The following RYR2 variants were observed in gnomAD, a reference collection of about 807,000 sequenced individuals.
The protein encoded by RYR2 is ryanodine receptor 2, also known as cardiac muscle ryanodine receptor-calcium release channel.
A neutral mutation model predicts 601.1 loss-of-function variants in RYR2; 227 were observed. The ratio of observed to expected loss-of-function variants is 0.38; its 90% confidence interval spans 0.34 to 0.42. RYR2 has a LOEUF of 0.42. Among genes scored for constraint, RYR2 ranks in the 10% least tolerant of loss-of-function variants. RYR2 has a pLI of 1.00. For synonymous variants in RYR2, 2,223 were observed against 2,175.1 expected, an observed-to-expected ratio of 1.02 and a Z score of -0.61; for missense variants, 4,646 against 6,156.5, an observed-to-expected ratio of 0.75 and a Z score of 8.21.
At position 237,506,834 on chromosome 1, in the gene RYR2, A is replaced by T; in HGVS notation, c.2718+20A>T. On this transcript the variant is annotated intron_variant, in intron 23 of 104. Transcript: ENST00000366574. ...GGTCCGGTATGTAATTTTGAAATTT[A>T]TTTTCAGATTCTGTGAATACATCTT... The T allele has an allele frequency of 6.3e-7, 1 of 1,588,366 alleles. No individual in the cohort carries two copies. Among genetic ancestry groups the T allele is most frequent in the Non-Finnish European group, 8.6e-7 (1 of 1,157,774 alleles).
intron 99 of RYR2, among the ~76,000 whole-genome samples, chr1:237,808,081 A>T (rs1245896021): frequency 6.6e-6 from 1 of 152,216 alleles, no homozygotes; most frequent in Non-Finnish European, 1.5e-5. Context: ...AAGACCTTTC[A>T]AACAGAGACA....
chr1:237,539,471 G>A (rs1005984604), intron 25 of RYR2, among the ~76,000 whole-genome samples: 9 of 152,032 alleles, frequency 5.9e-5, no homozygotes, highest in African/African-American at 1.9e-4. Context: ...TTTGATAATC[G>A]GTCAAGTTCA....
intron 1 of RYR2, among the ~76,000 whole-genome samples, chr1:237,083,784 C>T (rs184985781): frequency 5.3e-4 from 80 of 152,248 alleles, no homozygotes; most frequent in African/African-American, 1.3e-3. Context: ...ACTGAAATGG[C>T]GCTGAAAGAT....
chr1:237,618,244 T>C (rs1678693654), intron 38 of RYR2, among the ~76,000 whole-genome samples: 1 of 152,170 alleles, frequency 6.6e-6, no homozygotes, highest in South Asian at 2.1e-4. Flanking sequence ...GGAATTTTCT[T>C]AATTGTTATA....
chr1:237,173,022 C>A lies in RYR2; in HGVS notation c.49-97475C>A, dbSNP rs1013988116. Among the ~76,000 whole-genome samples the A allele has an allele frequency of 2.0e-5, 3 of 152,112 alleles. No homozygotes were observed. The South Asian group carries it at 6.2e-4, about 32-fold the overall frequency. Reference sequence around the variant, plus strand: ...GTTGGCAATCATATAGCCCATTTAACCCTTATGATAACTGTTAAGGTTGTT... The same window carrying A: ...GTTGGCAATCATATAGCCCATTTAAACCTTATGATAACTGTTAAGGTTGTT... On this transcript the variant is annotated intron_variant, in intron 1 of 104. Coordinates refer to ENST00000366574, the MANE Select transcript of RYR2 (RefSeq NM_001035.3).
intron 41 of RYR2, 54 bp from the exon 42 acceptor site, chr1:237,631,373 A>G (rs575147441): frequency 1.9e-4 from 209 of 1,076,454 alleles, no homozygotes; most frequent in Non-Finnish European, 2.4e-4. Flanking sequence ...GAACTTGGTT[A>G]ACTATTTAGA....
At chr1:237,191,666 T>C (rs997146619) in intron 1 of RYR2, among the ~76,000 whole-genome samples, 2 of 152,142 alleles carry the variant, frequency 1.3e-5, no homozygotes, top group Non-Finnish European at 2.9e-5. Flanking sequence ...GAACAAATTG[T>C]CTCCAGCTCG....
intron 26 of RYR2, among the ~76,000 whole-genome samples, chr1:237,549,552 AAAC>A (rs140197556): frequency 0.031 from 4,746 of 151,922 alleles, 177 homozygotes; most frequent in African/African-American, 0.086. Context: ...AAAAACAACA[AAAC>A]AACAACAACA....
Position 237,501,172 on chromosome 1 carries a change from G to GTTT in RYR2, c.2396+284_2396+286dup, listed in dbSNP as rs58106054. 8.4e-3 allele frequency among the ~76,000 whole-genome samples: 1,076 copies of GTTT among 127,994 alleles called. 10 individuals are homozygous for GTTT. Among genetic ancestry groups the GTTT allele is most frequent in the African/African-American group, 0.028 (992 of 36,068 alleles). The allele number at this position is 127,994 out of a possible 152,430, so 84.0% of individuals were successfully genotyped here. ...CCAGGGTCCTGAACTATTTCAAGGT[G>GTTT]TTTTTTTTTTTTTTTTTAGTTCATT... On this transcript the variant is annotated intron_variant, in intron 21 of 104. Transcript: ENST00000366574.
intron 4 of RYR2, among the ~76,000 whole-genome samples, chr1:237,360,253 G>A (rs1487358692): frequency 6.6e-6 from 1 of 152,170 alleles, no homozygotes; most frequent in Non-Finnish European, 1.5e-5. Context: ...TGAATAGAGG[G>A]CAGGCTTTGT....
At chr1:237,320,042 A>G (rs946113893) in intron 2 of RYR2, among the ~76,000 whole-genome samples, 2 of 152,210 alleles carry the variant, frequency 1.3e-5, no homozygotes, top group Non-Finnish European at 2.9e-5. Flanking sequence ...AGATGGGAGT[A>G]GCCCAGGAAA....
At chr1:237,817,688 A>G (rs562713181) in intron 100 of RYR2, among the ~76,000 whole-genome samples, 1 of 152,240 alleles carries the variant, frequency 6.6e-6, no homozygotes, top group Non-Finnish European at 1.5e-5. Flanking sequence ...TAAAAAGCTC[A>G]AAGAACCCAG....
intron 14 of RYR2, among the ~76,000 whole-genome samples, chr1:237,452,407 T>A (rs1347768758): frequency 7.1e-6 from 1 of 141,234 alleles, no homozygotes; most frequent in East Asian, 2.1e-4. Flanking sequence ...TATAATATAG[T>A]ATAAACTATA....
intron 1 of RYR2, among the ~76,000 whole-genome samples, chr1:237,058,129 C>T (rs1476323102): frequency 2.0e-5 from 3 of 151,970 alleles, no homozygotes; most frequent in Admixed American, 6.5e-5. Context: ...TAGCTGTTAA[C>T]TCAAAAAGAA....
chr1:237,289,769 T>A (rs1019954230), intron 2 of RYR2, among the ~76,000 whole-genome samples: 12 of 152,200 alleles, frequency 7.9e-5, no homozygotes, highest in Non-Finnish European at 1.5e-4. Flanking sequence ...AATTAAAAAA[T>A]TCAGATACTT....
intron 2 of RYR2, among the ~76,000 whole-genome samples, chr1:237,281,881 T>C (rs1479382898): frequency 1.3e-5 from 2 of 152,136 alleles, no homozygotes; most frequent in African/African-American, 4.8e-5. Flanking sequence ...TTAATTCAGA[T>C]GGTCAGAGCT....
At chr1:237,516,821 C>T (rs867120101) in intron 24 of RYR2, among the ~76,000 whole-genome samples, 4 of 152,108 alleles carry the variant, frequency 2.6e-5, no homozygotes, top group African/African-American at 4.8e-5. Flanking sequence ...CCCAAGTATA[C>T]GTCACTCTTC....
Position 237,726,180 on chromosome 1 carries a change from G to C in RYR2, c.10690-93G>C, listed in dbSNP as rs186963407. On this transcript the variant is annotated intron_variant, in intron 74 of 104. Coordinates refer to ENST00000366574, the MANE Select transcript of RYR2 (RefSeq NM_001035.3). The stretch of plus-strand genomic sequence containing the variant: ...CCAAACATTTTAAATGTTTACTTCA[G>C]ACATTATTACAATCATTTTTGACTC... The C allele has an allele frequency of 3.5e-6, 3 of 866,246 alleles. No homozygotes were observed. The African/African-American group carries it at 5.2e-5, about 15-fold the overall frequency. 53.7% of individuals were successfully genotyped at this position (866,246 alleles called of 1,614,324 possible). A position where few individuals can be genotyped will look rare whatever the true frequency, so the allele number is the denominator to read the frequency against.
chr1:237,314,884 A>G (rs568336540), intron 2 of RYR2, among the ~76,000 whole-genome samples: 1 of 152,222 alleles, frequency 6.6e-6, no homozygotes, highest in Non-Finnish European at 1.5e-5. Flanking sequence ...ATTGTGGCAC[A>G]ATGAAATTAA....
Sources: gnomAD v4.1 joint callset for allele counts (sites outside exome capture counted in the v4.1 genomes callset) on GRCh38, gnomAD v4.1.1 for gene constraint, MANE v1.5 for transcripts, NCBI Gene and HGNC (gene_info 2026-07-23, HGNC 2026-07-21) for gene names.